Variants in EPB41L3 observed in about 807,000 individuals in gnomAD.
The protein encoded by EPB41L3 is erythrocyte membrane protein band 4.1 like 3, also known as band 4.1-like protein 3.
A neutral mutation model predicts 127.1 loss-of-function variants in EPB41L3; 57 were observed. The ratio of observed to expected loss-of-function variants is 0.45; its 90% confidence interval spans 0.36 to 0.56. EPB41L3 has a LOEUF of 0.56. EPB41L3 is among the 20% of genes least tolerant of loss of function. EPB41L3 has a pLI of 0.00. For synonymous variants in EPB41L3, 572 were observed against 549.5 expected (o/e 1.04, Z -0.57); for missense variants, 1,273 against 1,372.2 (o/e 0.93, Z 1.14).
At chr18:5,434,230 C>T in intron 6 of EPB41L3, 109 bp from the exon 7 acceptor site, 1 of 764,402 alleles carries the variant, frequency 1.3e-6, no homozygotes, top group Non-Finnish European at 2.2e-6. Context: ...AGAACAGCCT[C>T]TCTAGGATAA....
intron 3 of EPB41L3, among the ~76,000 whole-genome samples, chr18:5,588,110 A>C (rs182339536): frequency 1.9e-4 from 29 of 152,274 alleles, no homozygotes; most frequent in Admixed American, 1.8e-3. Flanking sequence ...CACAAATTAA[A>C]ATAATAAATC....
intron 1 of EPB41L3, among the ~76,000 whole-genome samples, chr18:5,624,910 A>T (rs1658573430): frequency 6.6e-6 from 1 of 152,192 alleles, no homozygotes; most frequent in Admixed American, 6.5e-5. Flanking sequence ...GAAAAACATC[A>T]CAAGGGAGGT....
At chr18:5,539,276 T>C (rs2093659392) in intron 1 of EPB41L3, among the ~76,000 whole-genome samples, 1 of 151,908 alleles carries the variant, frequency 6.6e-6, no homozygotes, top group Non-Finnish European at 1.5e-5. Flanking sequence ...CTCTCTCTGT[T>C]TTTAGTTTGT....
intron 11 of EPB41L3, among the ~76,000 whole-genome samples, chr18:5,420,761 A>G (rs909039756): frequency 1.3e-5 from 2 of 152,246 alleles, no homozygotes; most frequent in Non-Finnish European, 2.9e-5. Flanking sequence ...AAAATTTATT[A>G]AAACTTATAA....
chr18:5,428,269 G>C, intron 9 of EPB41L3, 44 bp downstream of exon 9: 1 of 1,607,308 alleles, frequency 6.2e-7, no homozygotes, highest in Non-Finnish European at 8.5e-7. Context: ...CTTGCTATCA[G>C]GGATCTTTCC....
intron 3 of EPB41L3, 99 bp downstream of exon 3, chr18:5,478,142 C>T: frequency 9.7e-7 from 1 of 1,033,044 alleles, no homozygotes; most frequent in Non-Finnish European, 1.4e-6. Flanking sequence ...AGTAATTTTC[C>T]AGAGTCCTAG....
intron 3 of EPB41L3, among the ~76,000 whole-genome samples, chr18:5,607,739 T>C (rs2143951531): frequency 6.6e-6 from 1 of 152,314 alleles, no homozygotes; most frequent in Non-Finnish European, 1.5e-5. Context: ...AGAAATATCA[T>C]ATATTTCTTT....
In EPB41L3 at chr18:5,410,611, A is replaced by G. The variant is rs762745747; in HGVS notation, c.2076T>C (p.Ser692=). The G allele has an allele frequency of 2.5e-6, 4 of 1,613,522 alleles. No homozygotes were observed. Among genetic ancestry groups the G allele is most frequent in the South Asian group, 2.2e-5 (2 of 90,918 alleles). Residue 692 remains serine, a synonymous_variant, in exon 14 of 23, where the codon AGT becomes AGC. Transcript: ENST00000341928. ...PSDSSEEETD[S]ERTDTAADGE... is the part of the protein sequence containing the mutation. ...CGTCGGCTGCGGTGTCCGTGCGCTC[A>G]CTGTCAGTCTGTTGACCACAGAAGT...
chr18:5,571,805 C>T (rs2149255918), intron 3 of EPB41L3, among the ~76,000 whole-genome samples: 1 of 151,070 alleles, frequency 6.6e-6, no homozygotes, highest in East Asian at 2.2e-4. Context: ...ATGTTGGCAA[C>T]ACTGCACTCC....
chr18:5,610,120 T>G (rs938894636), intron 3 of EPB41L3: 2 of 985,368 alleles, frequency 2.0e-6, no homozygotes. Context: ...AGTCAACAGC[T>G]TAAACACAGA....
At chr18:5,542,248 T>C (rs2093751842) in intron 1 of EPB41L3, among the ~76,000 whole-genome samples, 1 of 152,286 alleles carries the variant, frequency 6.6e-6, no homozygotes, top group Non-Finnish European at 1.5e-5. Flanking sequence ...AGGGCTTTTC[T>C]GCTTAATTTG....
chr18:5,599,275 G>A (rs577684855), intron 3 of EPB41L3, among the ~76,000 whole-genome samples: 15 of 152,302 alleles, frequency 9.8e-5, no homozygotes, highest in African/African-American at 3.6e-4. Flanking sequence ...CCATTGTAAT[G>A]GCGATGGGCC....
rs191315586 is a variant in EPB41L3 at position 5,413,087 on chromosome 18, A to G, written c.2068-2468T>C. Among the ~76,000 whole-genome samples the G allele has an allele frequency of 1.3e-4, 20 of 152,318 alleles. No homozygotes were observed. The East Asian group carries it at 3.5e-3, about 26-fold the overall frequency. The stretch of plus-strand genomic sequence containing the variant: ...GCAACTGGTATTTCTATAATGTATG[A>G]TGACTACATAAAACTGCAAATATAT... On this transcript the variant is annotated intron_variant, in intron 13 of 22. Transcript: ENST00000341928.
intron 2 of EPB41L3, chr18:5,480,968 A>T (rs1406236572): frequency 6.6e-6 from 1 of 152,168 alleles, no homozygotes; most frequent in African/African-American, 2.4e-5. Flanking sequence ...ATTAAAAAAA[A>T]CAAAATAAAC....
At chr18:5,620,934 G>T (rs1382197043) in intron 1 of EPB41L3, among the ~76,000 whole-genome samples, 1 of 151,990 alleles carries the variant, frequency 6.6e-6, no homozygotes, top group African/African-American at 2.4e-5. Context: ...TCCTTCAATG[G>T]TTCCCCATTG....
chr18:5,441,246 G>C (rs2080679352), intron 5 of EPB41L3, among the ~76,000 whole-genome samples: 1 of 152,048 alleles, frequency 6.6e-6, no homozygotes, highest in Non-Finnish European at 1.5e-5. Context: ...CATTTTCTTA[G>C]AGATCTCATT....
chr18:5,393,685 C>A (rs940112283), intron 22 of EPB41L3: 5 of 450,268 alleles, frequency 1.1e-5, no homozygotes, highest in Admixed American at 8.4e-5. Context: ...TGGAAGAAAT[C>A]TGTTTTATTT....
chr18:5,589,665 C>T (rs1621880), intron 3 of EPB41L3, among the ~76,000 whole-genome samples: 62,090 of 152,022 alleles, frequency 0.41, 13,197 homozygotes, highest in Non-Finnish European at 0.47. Context: ...TATCAATTTT[C>T]TAAATTCTAA....
At chr18:5,552,608 G>A (rs1300674623) in intron 3 of EPB41L3, among the ~76,000 whole-genome samples, 1 of 152,124 alleles carries the variant, frequency 6.6e-6, no homozygotes, top group Non-Finnish European at 1.5e-5. Context: ...TCAGGCATTG[G>A]GATACTGGTA....
Sources: allele counts gnomAD v4.1 joint callset (sites outside exome capture counted in the v4.1 genomes callset), GRCh38; gene constraint gnomAD v4.1.1; transcripts MANE v1.5; gene names NCBI Gene and HGNC (gene_info 2026-07-23, HGNC 2026-07-21).